LYPLAL1: variants seen among roughly 807,000 people sequenced by gnomAD.
LYPLAL1 encodes lysophospholipase-like protein 1.
A neutral mutation model predicts 19.7 loss-of-function variants in LYPLAL1; 23 were observed. That is an observed-to-expected ratio of 1.17 (90% CI 0.84 to 1.65). The LOEUF (loss-of-function observed/expected upper bound fraction) is 1.65, where lower values mean the gene tolerates loss of function less well. Among genes scored for constraint, LYPLAL1 ranks in the 40% most tolerant of loss-of-function variants. The pLI is 0.00. For synonymous variants in LYPLAL1, 119 were observed against 96.3 expected (o/e 1.24, Z -1.38); for missense variants, 355 against 279.4 (o/e 1.27, Z -1.93).
At chr1:219,370,156 A>T in the LYPLAL1 span, among the ~76,000 whole-genome samples, 2 of 152,136 alleles carry the variant, frequency 1.3e-5, no homozygotes, top group South Asian at 4.1e-4. Flanking sequence ...CAACTCTTGT[A>T]AAAAATACCC....
the LYPLAL1 span, among the ~76,000 whole-genome samples, chr1:219,249,759 G>A: frequency 2.0e-5 from 3 of 151,946 alleles, no homozygotes; most frequent in South Asian, 4.1e-4. Flanking sequence ...GGTATGCACT[G>A]TGCTTTAATT....
the LYPLAL1 span, among the ~76,000 whole-genome samples, chr1:219,323,714 A>G: frequency 6.6e-6 from 1 of 152,236 alleles, no homozygotes; most frequent in East Asian, 1.9e-4. Context: ...GAGGCAGTTT[A>G]GAAGGGAAGA....
At chr1:219,289,428 G>A in the LYPLAL1 span, among the ~76,000 whole-genome samples, 1 of 152,096 alleles carries the variant, frequency 6.6e-6, no homozygotes, top group Non-Finnish European at 1.5e-5. Context: ...AGGTACTATG[G>A]GAAGAGAATA....
At chr1:219,298,338 G>A in the LYPLAL1 span, among the ~76,000 whole-genome samples, 3 of 152,070 alleles carry the variant, frequency 2.0e-5, no homozygotes, top group Non-Finnish European at 4.4e-5. Flanking sequence ...AATACATTTA[G>A]GTCTTTCATT....
chr1:219,299,140 C>CTTTTTTTTTTT, the LYPLAL1 span, among the ~76,000 whole-genome samples: 1 of 129,494 alleles, frequency 7.7e-6, no homozygotes, highest in Non-Finnish European at 1.6e-5. Flanking sequence ...CCTCCCCCAG[C>CTTTTTTTTTTT]TTTTTTTTTT....
the LYPLAL1 span, among the ~76,000 whole-genome samples, chr1:219,355,696 C>A: frequency 6.6e-6 from 1 of 152,008 alleles, no homozygotes; most frequent in Admixed American, 6.5e-5. Context: ...ACGGAAAATT[C>A]ACCAAGATAG....
At chr1:219,253,153 T>C in the LYPLAL1 span, among the ~76,000 whole-genome samples, 1 of 151,980 alleles carries the variant, frequency 6.6e-6, no homozygotes, top group Non-Finnish European at 1.5e-5. Flanking sequence ...CATTTCTAAT[T>C]GTATTTATTT....
At chr1:219,214,592 C>G (rs1558250866), downstream of LYPLAL1, among the ~76,000 whole-genome samples, 2 of 151,936 alleles carry the variant, frequency 1.3e-5, no homozygotes, top group African/African-American at 2.4e-5. Flanking sequence ...TTTCCCTTCC[C>G]AGCCTGTATG....
chr1:219,382,208 T>G, the LYPLAL1 span, among the ~76,000 whole-genome samples: 4 of 152,164 alleles, frequency 2.6e-5, no homozygotes, highest in East Asian at 7.7e-4. Context: ...CATCTCAGTG[T>G]TTCCTTCAAA....
the LYPLAL1 span, among the ~76,000 whole-genome samples, chr1:219,274,777 T>C: frequency 6.6e-6 from 1 of 152,210 alleles, no homozygotes; most frequent in Admixed American, 6.5e-5. Flanking sequence ...ATTCAGTCTC[T>C]GAAAGCAGTC....
At chr1:219,241,099 TCTCTCTCTC>T in the LYPLAL1 span, among the ~76,000 whole-genome samples, 1,522 of 55,910 alleles carry the variant, frequency 0.027, 30 homozygotes, top group African/African-American at 0.065. Flanking sequence ...ATATATATAA[TCTCTCTCTC>T]TCTCTCTCTC....
At chr1:219,269,696 T>G in the LYPLAL1 span, among the ~76,000 whole-genome samples, 6 of 152,334 alleles carry the variant, frequency 3.9e-5, no homozygotes, top group Admixed American at 3.9e-4. Flanking sequence ...CCCATTCACT[T>G]TTTTATTCCT....
intron 3 of LYPLAL1, among the ~76,000 whole-genome samples, chr1:219,207,114 A>C (rs1372217642): frequency 6.6e-6 from 1 of 152,092 alleles, no homozygotes; most frequent in East Asian, 1.9e-4. Flanking sequence ...AATATTAATT[A>C]GTTACATTTG....
At chr1:219,375,111 C>G in the LYPLAL1 span, among the ~76,000 whole-genome samples, 3 of 152,150 alleles carry the variant, frequency 2.0e-5, no homozygotes, top group Non-Finnish European at 2.9e-5. Flanking sequence ...GTCAACCAAT[C>G]TAATTTAGAA....
At chr1:219,282,390 A>G in the LYPLAL1 span, among the ~76,000 whole-genome samples, 14 of 152,058 alleles carry the variant, frequency 9.2e-5, no homozygotes, top group African/African-American at 3.4e-4. Flanking sequence ...AGTTCCAGAA[A>G]GAAAAGAGAG....
chr1:219,430,073 C>A, the LYPLAL1 span, among the ~76,000 whole-genome samples: 1 of 152,110 alleles, frequency 6.6e-6, no homozygotes, highest in African/African-American at 2.4e-5. Flanking sequence ...GCAGGCAGAT[C>A]GCTTGAACAC....
At chr1:219,174,471 G>A (rs80055047) in intron 1 of LYPLAL1, among the ~76,000 whole-genome samples, 4,166 of 152,188 alleles carry the variant, frequency 0.027, 67 homozygotes, top group Non-Finnish European at 0.041. Context: ...TTTTCTGTAA[G>A]CCACTGTGCC....
chr1:219,384,817 G>A, the LYPLAL1 span, among the ~76,000 whole-genome samples: 1 of 152,310 alleles, frequency 6.6e-6, no homozygotes, highest in Non-Finnish European at 1.5e-5. Flanking sequence ...AAAATAAGGA[G>A]AAATTCATCA....
chr1:219,307,841 G>C, the LYPLAL1 span, among the ~76,000 whole-genome samples: 1 of 152,026 alleles, frequency 6.6e-6, no homozygotes, highest in African/African-American at 2.4e-5. Flanking sequence ...TCTTGCCGCC[G>C]CCATGTAAGA....
Sources: allele counts gnomAD v4.1 joint callset (sites outside exome capture counted in the v4.1 genomes callset), GRCh38; gene constraint gnomAD v4.1.1; transcripts MANE v1.5; gene names NCBI Gene and HGNC (gene_info 2026-07-23, HGNC 2026-07-21).